The following DNM2 variants were observed in gnomAD, a reference collection of about 807,000 sequenced individuals.
DNM2 encodes the protein dynamin 2, also known as dynamin-2.
A neutral mutation model predicts 99.0 loss-of-function variants in DNM2; 15 were observed. The observed-to-expected ratio is 0.15, with a 90% CI of 0.10 to 0.23. DNM2 has a LOEUF of 0.23. Ranked by LOEUF, DNM2 falls within the 10% of genes least tolerant of loss-of-function variation. The pLI is 1.00. For synonymous variants in DNM2, 525 were observed against 481.2 expected (o/e 1.09, Z -1.19); for missense variants, 742 against 1,189.4 (o/e 0.62, Z 5.53).
intron 1 of DNM2, among the ~76,000 whole-genome samples, chr19:10,722,857 C>T (rs1054025106): frequency 6.6e-6 from 1 of 151,718 alleles, no homozygotes; most frequent in Admixed American, 6.6e-5. Flanking sequence ...GACCTCCTCG[C>T]CTCAAATGAT....
chr19:10,788,916 C>G (rs1168781583), intron 7 of DNM2, among the ~76,000 whole-genome samples: 1 of 152,246 alleles, frequency 6.6e-6, no homozygotes, highest in African/African-American at 2.4e-5. Flanking sequence ...CCCCCACCCC[C>G]TCTGCCAGGC....
At chr19:10,778,347 T>C (rs988426036) in intron 5 of DNM2, among the ~76,000 whole-genome samples, 2 of 151,898 alleles carry the variant, frequency 1.3e-5, no homozygotes, top group African/African-American at 4.8e-5. Context: ...TCCTGGAAGA[T>C]TTTAACACAA....
In DNM2 at chr19:10,786,516, G is replaced by C. The variant is rs767013021; in HGVS notation, c.850-48G>C. On this transcript the variant is annotated intron_variant, in intron 6 of 20. Coordinates refer to ENST00000389253, the MANE Select transcript of DNM2 (RefSeq NM_001005361.3). ...GGGGGAGTGTGTCTGCCACTCCCTG[G>C]TATCCTGCCCATGCCACCCTTTCTG... 1.9e-6 allele frequency: 3 copies of C among 1,612,404 alleles called. No homozygotes were observed. In the Admixed American group the frequency reaches 5.0e-5, roughly 27 times the overall value.
intron 7 of DNM2, among the ~76,000 whole-genome samples, chr19:10,787,939 AG>A (rs1009935904): frequency 1.3e-5 from 2 of 151,992 alleles, no homozygotes; most frequent in Non-Finnish European, 2.9e-5. Context: ...CAAAAAAAAA[AG>A]ATGAGTGTTG....
At position 10,795,367 on chromosome 19, in the gene DNM2, C is replaced by G. The variant is rs2071896442; in HGVS notation, c.1129-5C>G. 6.2e-7 allele frequency: 1 copy of G among 1,614,032 alleles called. No individual in the cohort carries two copies. Among genetic ancestry groups the G allele is most frequent in the South Asian group, 1.1e-5 (1 of 91,088 alleles). On this transcript the variant is annotated splice_polypyrimidine_tract_variant and splice_region_variant and intron_variant, in intron 8 of 20. Coordinates refer to ENST00000389253, the MANE Select transcript of DNM2 (RefSeq NM_001005361.3). This position sits in a 1 kb window ranked among gnomAD's most constrained non-coding sequence, Gnocchi z 4.2. ...CATGCATGTGCTTGGTTTGTCTCTT[C>G]TCAGATGGAGTTTGACGAGAAGGAC...
chr19:10,769,219 T>G (rs1267832821), intron 2 of DNM2: 2 of 152,456 alleles, frequency 1.3e-5, no homozygotes, highest in Admixed American at 1.3e-4. Context: ...ATTTTACAGA[T>G]CAGTAGACTG....
intron 17 of DNM2, chr19:10,824,230 G>C (rs1050554170): frequency 8.3e-6 from 3 of 363,464 alleles, no homozygotes; most frequent in South Asian, 4.6e-5. Flanking sequence ...GGGCACGGTG[G>C]GTGGTTCGCC....
At chr19:10,827,358 T>C (rs942347256) in intron 18 of DNM2, among the ~76,000 whole-genome samples, 3 of 152,206 alleles carry the variant, frequency 2.0e-5, no homozygotes, top group Non-Finnish European at 2.9e-5. Flanking sequence ...TGATGTTTTA[T>C]AGCAGCCAAA....
chr19:10,813,048 G>A (rs892796126), intron 15 of DNM2, among the ~76,000 whole-genome samples: 1 of 152,206 alleles, frequency 6.6e-6, no homozygotes, highest in African/African-American at 2.4e-5. Context: ...CAGGGGCACC[G>A]GGGTTCCATC....
At chr19:10,799,725 A>AT (rs1454053334) in intron 11 of DNM2, among the ~76,000 whole-genome samples, 1 of 150,846 alleles carries the variant, frequency 6.6e-6, no homozygotes, top group African/African-American at 2.4e-5. Flanking sequence ...GTAGAGAGAG[A>AT]TTTTCACTAT....
chr19:10,732,770 A>C (rs896847913), intron 1 of DNM2, among the ~76,000 whole-genome samples: 4 of 152,064 alleles, frequency 2.6e-5, no homozygotes, highest in Admixed American at 6.6e-5. Context: ...TGAGCCTATA[A>C]GTCTAGTAAC....
At chr19:10,723,990 C>G (rs1375443940) in intron 1 of DNM2, among the ~76,000 whole-genome samples, 1 of 151,502 alleles carries the variant, frequency 6.6e-6, no homozygotes, top group African/African-American at 2.4e-5. Flanking sequence ...AGGCTGAGGC[C>G]GGAGGATGGC....
Position 10,830,832 on chromosome 19 carries a change from C to G in DNM2, c.2544-146C>G, listed in dbSNP as rs554313007. 6.9e-6 allele frequency: 7 copies of G among 1,019,378 alleles called. No individual in the cohort carries two copies. In the East Asian group the frequency reaches 1.7e-4, roughly 25 times the overall value. 63.1% of individuals were successfully genotyped at this position (1,019,378 alleles called of 1,614,324 possible). On this transcript the variant is annotated intron_variant, in intron 20 of 20. Transcript: ENST00000389253. This position sits in a 1 kb window ranked among gnomAD's most constrained non-coding sequence, Gnocchi z 4.8. Reference sequence around the variant, plus strand: ...GATGCCTAGGTTTGGCACTCCTGCCCGACACCCTGGTGGCTTGCGGAGGTC... The same window carrying G: ...GATGCCTAGGTTTGGCACTCCTGCCGGACACCCTGGTGGCTTGCGGAGGTC...
At chr19:10,719,649 A>T in intron 1 of DNM2, among the ~76,000 whole-genome samples, 1 of 152,184 alleles carries the variant, frequency 6.6e-6, no homozygotes, top group East Asian at 1.9e-4. Context: ...CCATTCCAGG[A>T]ACTACTCATT....
intron 13 of DNM2, among the ~76,000 whole-genome samples, chr19:10,806,840 G>A (rs910332554): frequency 5.3e-5 from 8 of 152,044 alleles, no homozygotes; most frequent in African/African-American, 9.6e-5. Context: ...TCCCTTGAGC[G>A]GGGGTCTGTG....
intron 1 of DNM2, among the ~76,000 whole-genome samples, chr19:10,756,330 C>A (rs1190217556): frequency 6.6e-6 from 1 of 152,064 alleles, no homozygotes; most frequent in Non-Finnish European, 1.5e-5. Context: ...GTCTTCCTCG[C>A]ACCCACCCCC....
At chr19:10,738,330 G>A (rs1422205348) in intron 1 of DNM2, among the ~76,000 whole-genome samples, 1 of 152,268 alleles carries the variant, frequency 6.6e-6, no homozygotes, top group African/African-American at 2.4e-5. Flanking sequence ...CAAAGGGCAC[G>A]AGGTGGCAGG....
chr19:10,771,044 C>T (rs1376246035), intron 2 of DNM2, among the ~76,000 whole-genome samples: 11 of 152,212 alleles, frequency 7.2e-5, no homozygotes, highest in Non-Finnish European at 1.3e-4. Flanking sequence ...CCACCCTCCT[C>T]GGCGTCCCAC....
At position 10,764,771 on chromosome 19, in the gene DNM2, T is replaced by C. The variant is rs61165776; in HGVS notation, c.235+4960T>C. On this transcript the variant is annotated intron_variant, in intron 2 of 20. Transcript: ENST00000389253. The surrounding 1 kb of genome is among the most constrained non-coding windows in gnomAD (Gnocchi z 4.1). Reference sequence around the variant, plus strand: ...GGTCCCCAGCCACTGCCCCCATCCATCTCCCTCCTGATTCTCAGGCCCAGC... The same window carrying C: ...GGTCCCCAGCCACTGCCCCCATCCACCTCCCTCCTGATTCTCAGGCCCAGC... Among the ~76,000 whole-genome samples, 2,852 of 151,980 alleles carry C rather than the reference T, an allele frequency of 0.019. 84 individuals are homozygous for C. Among genetic ancestry groups the C allele is most frequent in the African/African-American group, 0.065 (2,707 of 41,428 alleles).
Sources: gnomAD v4.1 joint callset for allele counts (sites outside exome capture counted in the v4.1 genomes callset) on GRCh38, gnomAD v4.1.1 for gene constraint, Gnocchi (gnomAD v3.1) non-coding constraint, MANE v1.5 for transcripts, NCBI Gene and HGNC (gene_info 2026-07-23, HGNC 2026-07-21) for gene names.